B3GLCT: variants seen among roughly 807,000 people sequenced by gnomAD.
B3GLCT encodes beta-1,3-glucosyltransferase.
A neutral mutation model predicts 63.4 loss-of-function variants in B3GLCT; 65 were observed. The ratio of observed to expected loss-of-function variants is 1.03; its 90% CI spans 0.84 to 1.26. B3GLCT has a LOEUF of 1.26. Ranked by LOEUF, B3GLCT falls within the 50% of genes most tolerant of loss-of-function variation. B3GLCT has a pLI of 0.00. For synonymous variants in B3GLCT, 233 were observed against 219.2 expected, an observed-to-expected ratio of 1.06 and a Z score of -0.55; for missense variants, 577 against 604.8, an observed-to-expected ratio of 0.95 and a Z score of 0.48.
At chr13:31,233,512 T>C (rs372554115) in intron 4 of B3GLCT, among the ~76,000 whole-genome samples, 4 of 152,164 alleles carry the variant, frequency 2.6e-5, no homozygotes, top group African/African-American at 9.6e-5. Flanking sequence ...CTGCTCCAGG[T>C]TCCTCTGTCC....
chr13:31,216,032 G>T (rs1869544163), intron 2 of B3GLCT, among the ~76,000 whole-genome samples: 1 of 152,146 alleles, frequency 6.6e-6, no homozygotes, highest in African/African-American at 2.4e-5. Context: ...GATCAGTTTA[G>T]CATGTAAAAA....
intron 12 of B3GLCT, among the ~76,000 whole-genome samples, chr13:31,288,399 A>G (rs1873457233): frequency 6.6e-6 from 1 of 152,170 alleles, no homozygotes; most frequent in African/African-American, 2.4e-5. Context: ...CACTGCTCTC[A>G]TTACTAGCTT....
At chr13:31,245,431 A>G (rs746887013) in intron 4 of B3GLCT, among the ~76,000 whole-genome samples, 3 of 152,166 alleles carry the variant, frequency 2.0e-5, no homozygotes, top group Non-Finnish European at 2.9e-5. Context: ...TTTAAAGCAT[A>G]TATCTCATTG....
chr13:31,231,349 C>T (rs1664380608), intron 4 of B3GLCT, among the ~76,000 whole-genome samples: 1 of 152,208 alleles, frequency 6.6e-6, no homozygotes, highest in Non-Finnish European at 1.5e-5. Flanking sequence ...GAATTAAGAG[C>T]ACACTTTTCC....
At chr13:31,286,856 C>A in intron 12 of B3GLCT, 37 bp downstream of exon 12, 2 of 1,402,078 alleles carry the variant, frequency 1.4e-6, no homozygotes, top group Non-Finnish European at 2.0e-6. Flanking sequence ...GCTTTAAATT[C>A]TACATATATT....
chr13:31,241,030 A>G (rs1461684379), intron 4 of B3GLCT, among the ~76,000 whole-genome samples: 1 of 152,222 alleles, frequency 6.6e-6, no homozygotes, highest in African/African-American at 2.4e-5. Flanking sequence ...ATGTGTCTTT[A>G]TATAGAACTT....
chr13:31,215,032 CTTTTT>C lies in B3GLCT; in HGVS notation c.71-9_71-5del. The C allele has an allele frequency of 8.0e-7, 1 of 1,256,032 alleles. No individual in the cohort carries two copies. Among genetic ancestry groups the C allele is most frequent in the African/African-American group, 1.5e-5 (1 of 66,662 alleles). The allele number at this position is 1,256,032 out of a possible 1,614,324, so 77.8% of individuals were successfully genotyped here. On this transcript the variant is annotated splice_polypyrimidine_tract_variant and intron_variant, in intron 1 of 14. Transcript: ENST00000343307. ...TGCTAATTCTAAGGTAGAAATATTTCTTTTTTTTTTTTTTCCAGCTTTTGGTTTGG... is the reference window on the plus strand; with the variant it reads ...TGCTAATTCTAAGGTAGAAATATTTCTTTTTTTTTCCAGCTTTTGGTTTGG...
chr13:31,236,869 G>A (rs1346650585), intron 4 of B3GLCT, among the ~76,000 whole-genome samples: 1 of 152,200 alleles, frequency 6.6e-6, no homozygotes, highest in African/African-American at 2.4e-5. Flanking sequence ...GTTCACCCCT[G>A]TAATCCCAGC....
chr13:31,291,704 AGGAG>A (rs1873668172), intron 12 of B3GLCT, among the ~76,000 whole-genome samples: 2 of 152,230 alleles, frequency 1.3e-5, no homozygotes, highest in Admixed American at 1.3e-4. Context: ...TATCAGCTTA[AGGAG>A]ATTTTGGGCT....
At chr13:31,315,088 CTTCCCAGTCT>C (rs1355239560) in intron 12 of B3GLCT, among the ~76,000 whole-genome samples, 2 of 152,218 alleles carry the variant, frequency 1.3e-5, no homozygotes, top group Non-Finnish European at 1.5e-5. Context: ...ACCTCGTTTG[CTTCCCAGTCT>C]TGAGTATGCC....
At chr13:31,289,048 A>T (rs191321716) in intron 12 of B3GLCT, among the ~76,000 whole-genome samples, 101 of 152,254 alleles carry the variant, frequency 6.6e-4, no homozygotes, top group Non-Finnish European at 1.0e-3. Flanking sequence ...AGATATCTTT[A>T]ATTTAAAAAA....
At chr13:31,322,158 T>A (rs894141402) in intron 13 of B3GLCT, among the ~76,000 whole-genome samples, 9 of 152,276 alleles carry the variant, frequency 5.9e-5, no homozygotes, top group Admixed American at 3.3e-4. Context: ...TTAGGCTATC[T>A]ATCATCAGCC....
chr13:31,249,934 G>T (rs1871354788), intron 6 of B3GLCT, among the ~76,000 whole-genome samples: 1 of 152,120 alleles, frequency 6.6e-6, no homozygotes, highest in Non-Finnish European at 1.5e-5. Context: ...AGGGTATAAG[G>T]TATTTTGTTT....
At chr13:31,223,116 T>A in intron 3 of B3GLCT, 125 bp downstream of exon 3, 2 of 710,572 alleles carry the variant, frequency 2.8e-6, no homozygotes. Flanking sequence ...AAATATTCTG[T>A]CTTTGGCCCA....
At chr13:31,327,059 G>A (rs1875660776) in intron 14 of B3GLCT, among the ~76,000 whole-genome samples, 2 of 152,238 alleles carry the variant, frequency 1.3e-5, no homozygotes, top group East Asian at 3.9e-4. Context: ...CTTAACCACA[G>A]GGGATACATT....
rs75398692 is a variant in B3GLCT at position 31,262,341 on chromosome 13, C to T, written c.596+1259C>T. Among the ~76,000 whole-genome samples the T allele has an allele frequency of 6.6e-3, 1,000 of 152,344 alleles. 12 individuals are homozygous for T. Among genetic ancestry groups the T allele is most frequent in the African/African-American group, 0.023 (967 of 41,572 alleles). Reference sequence around the variant, plus strand: ...GTTTCCAGTTAAGATCTTCGACTCACGCACTCAGTCCTGGGCCTGCCGGGC... The same window carrying T: ...GTTTCCAGTTAAGATCTTCGACTCATGCACTCAGTCCTGGGCCTGCCGGGC... On this transcript the variant is annotated intron_variant, in intron 7 of 14. Coordinates refer to ENST00000343307, the MANE Select transcript of B3GLCT (RefSeq NM_194318.4).
At chr13:31,242,862 CT>C (rs558263920) in intron 4 of B3GLCT, among the ~76,000 whole-genome samples, 9 of 151,870 alleles carry the variant, frequency 5.9e-5, no homozygotes, top group African/African-American at 1.7e-4. Flanking sequence ...AAAATCTTTT[CT>C]TTTTTTTGTA....
In B3GLCT at chr13:31,317,678, G is replaced by A. The variant is rs776180719; in HGVS notation, c.1177G>A (p.Gly393Arg). 1 of 1,613,994 alleles carries A rather than the reference G, an allele frequency of 6.2e-7. No homozygotes were observed. Among genetic ancestry groups the A allele is most frequent in the Non-Finnish European group, 8.5e-7 (1 of 1,179,958 alleles). The part of the protein sequence containing the change: ...GTGGYSYITG[G>R]GGMVFSREAV... ...TGGTGGCTACAGCTACATCACGGGA[G>A]GAGGAGGGTAACTATGATCACAGCT... The change falls in exon 13 of 15, where the codon GGA (glycine) becomes AGA (arginine). Residue 393 changes from glycine to arginine, a missense_variant. Transcript: ENST00000343307.
chr13:31,211,035 G>A lies in B3GLCT; in HGVS notation c.71-4016G>A, dbSNP rs538275156. Among the ~76,000 whole-genome samples, 132 of 152,136 alleles carry A rather than the reference G, an allele frequency of 8.7e-4. 2 individuals carry two copies. The highest frequency in any genetic ancestry group is 2.9e-3 in the Admixed American group (45 of 15,288). On this transcript the variant is annotated intron_variant, in intron 1 of 14. Transcript: ENST00000343307. ...TAGAATTACAGGCACGTGCCACCACGTCCGGCCACGTTTGGTTCCTTGATG... is the reference window on the plus strand; with the variant it reads ...TAGAATTACAGGCACGTGCCACCACATCCGGCCACGTTTGGTTCCTTGATG...
Sources: gnomAD v4.1 joint callset for allele counts (sites outside exome capture counted in the v4.1 genomes callset) on GRCh38, gnomAD v4.1.1 for gene constraint, MANE v1.5 for transcripts, NCBI Gene and HGNC (gene_info 2026-07-23, HGNC 2026-07-21) for gene names.